The following AGFG1 variants were observed in gnomAD, a reference collection of about 807,000 sequenced individuals.
AGFG1 encodes the protein arf-GAP domain and FG repeat-containing protein 1.
In AGFG1, 10 loss-of-function variants were observed where a neutral mutation model predicts 60.6. The ratio of observed to expected loss-of-function variants is 0.16; its 90% CI spans 0.10 to 0.28. The LOEUF is 0.28. Ranked by LOEUF, AGFG1 falls within the 10% of genes least tolerant of loss-of-function variation. AGFG1 has a pLI of 1.00. For synonymous variants in AGFG1, 247 were observed against 242.9 expected, an observed-to-expected ratio of 1.02 and a Z score of -0.16; for missense variants, 537 against 676.5, an observed-to-expected ratio of 0.79 and a Z score of 2.29.
At chr2:227,484,204 T>G (rs747503348) in intron 1 of AGFG1, among the ~76,000 whole-genome samples, 4 of 152,214 alleles carry the variant, frequency 2.6e-5, no homozygotes, top group Non-Finnish European at 5.9e-5. Flanking sequence ...TTTCTTTTTT[T>G]TTGAGACGGA....
At chr2:227,488,444 C>T (rs1034791864) in intron 1 of AGFG1, among the ~76,000 whole-genome samples, 3 of 152,274 alleles carry the variant, frequency 2.0e-5, no homozygotes, top group Middle Eastern at 3.4e-3. Context: ...AAACATACAT[C>T]CTTTTAATAG....
chr2:227,486,030 A>G (rs1690622606), intron 1 of AGFG1, among the ~76,000 whole-genome samples: 3 of 152,140 alleles, frequency 2.0e-5, no homozygotes, highest in Non-Finnish European at 4.4e-5. Context: ...GCATTCCTTT[A>G]GAGAGAATTT....
At chr2:227,502,251 T>C (rs1191943397) in intron 2 of AGFG1, among the ~76,000 whole-genome samples, 2 of 152,242 alleles carry the variant, frequency 1.3e-5, no homozygotes, top group Non-Finnish European at 2.9e-5. Context: ...GAATAAATTA[T>C]AATTTGTTCA....
intron 3 of AGFG1, among the ~76,000 whole-genome samples, chr2:227,520,710 G>C (rs896827388): frequency 1.3e-5 from 2 of 152,162 alleles, no homozygotes; most frequent in Admixed American, 6.5e-5. Flanking sequence ...GCTACTGAGG[G>C]TTCTTCATTT....
At chr2:227,524,728 T>C in intron 4 of AGFG1, 34 bp from the exon 5 acceptor site, 2 of 1,606,114 alleles carry the variant, frequency 1.2e-6, no homozygotes, top group African/African-American at 2.7e-5. Context: ...CAGATCCGAC[T>C]GGAATATCTT....
At chr2:227,554,382 T>C in intron 12 of AGFG1, 54 bp from the exon 13 acceptor site, 1 of 1,402,114 alleles carries the variant, frequency 7.1e-7, no homozygotes, top group Non-Finnish European at 9.9e-7. Context: ...TTTTTATATT[T>C]TGTACATGCA....
At chr2:227,533,006 A>G (rs550759391) in intron 6 of AGFG1, among the ~76,000 whole-genome samples, 28 of 152,306 alleles carry the variant, frequency 1.8e-4, no homozygotes, top group African/African-American at 6.5e-4. Context: ...ACATTAAACT[A>G]TTATGTGGAA....
chr2:227,473,275 G>A (rs773280773), intron 1 of AGFG1, among the ~76,000 whole-genome samples: 1 of 152,190 alleles, frequency 6.6e-6, no homozygotes. Flanking sequence ...GGAGGCAGAG[G>A]AGCAGATTTG....
chr2:227,482,540 T>G (rs1690500300), intron 1 of AGFG1, among the ~76,000 whole-genome samples: 1 of 152,226 alleles, frequency 6.6e-6, no homozygotes, highest in Non-Finnish European at 1.5e-5. Flanking sequence ...ATAACTAGGA[T>G]GGGCTAGATC....
intron 10 of AGFG1, chr2:227,550,080 C>T: frequency 4.5e-6 from 2 of 446,450 alleles, no homozygotes; most frequent in Non-Finnish European, 9.2e-6. Flanking sequence ...GCAATGCATT[C>T]TCAAGTGTTT....
At chr2:227,484,651 T>C (rs999696831) in intron 1 of AGFG1, among the ~76,000 whole-genome samples, 2 of 151,356 alleles carry the variant, frequency 1.3e-5, no homozygotes, top group African/African-American at 4.9e-5. Context: ...ATATACAGTA[T>C]AAGCTTCTTT....
At chr2:227,537,882 G>A (rs1692360441) in intron 10 of AGFG1, among the ~76,000 whole-genome samples, 1 of 152,092 alleles carries the variant, frequency 6.6e-6, no homozygotes, top group South Asian at 2.1e-4. Context: ...CTAGTTTTTA[G>A]TAAATCTCTT....
chr2:227,519,913 G>T, intron 2 of AGFG1, 35 bp from the exon 3 acceptor site: 1 of 1,298,304 alleles, frequency 7.7e-7, no homozygotes, highest in South Asian at 1.3e-5. Flanking sequence ...TGAAGATGTT[G>T]AATTTAACAT....
chr2:227,518,614 C>G (rs1691728600), intron 2 of AGFG1, among the ~76,000 whole-genome samples: 1 of 150,376 alleles, frequency 6.6e-6, no homozygotes, highest in Non-Finnish European at 1.5e-5. Context: ...ACCTCCCCTT[C>G]CTGGGTTCAA....
chr2:227,534,735 C>G, intron 7 of AGFG1, 110 bp from the exon 8 acceptor site: 1 of 1,158,296 alleles, frequency 8.6e-7, no homozygotes, highest in South Asian at 1.5e-5. Context: ...TGGAATCCTG[C>G]TTAACTCTAA....
chr2:227,552,398 T>G (rs1692846665), intron 11 of AGFG1, among the ~76,000 whole-genome samples: 1 of 152,198 alleles, frequency 6.6e-6, no homozygotes, highest in South Asian at 2.1e-4. Context: ...TATTTCGTCT[T>G]ACATGTTCTA....
In AGFG1 at chr2:227,558,802, A is replaced by C. The variant is rs1412622911; in HGVS notation, c.*4307A>C. The C allele has an allele frequency of 6.6e-6, 1 of 152,136 alleles. No homozygotes were observed. The highest frequency in any genetic ancestry group is 6.5e-5 in the Admixed American group (1 of 15,276). The allele number at this position is 152,136 out of a possible 1,614,324, so 9.4% of individuals were successfully genotyped here. On this transcript the variant is annotated 3_prime_UTR_variant, in exon 13 of 13. Coordinates refer to ENST00000310078, the MANE Select transcript of AGFG1 (RefSeq NM_004504.5). ...TGGTATAAATACTGTCTTCATGGTG[A>C]TTTTACCTGCCAATCTGATGTCATT...
chr2:227,556,229 T>C lies in AGFG1; in HGVS notation c.*1734T>C, dbSNP rs1434037100. ...TCAGTTTCCTCAAACATTTTATTCA[T>C]GTTGAATGCCTTTTTGCAATGATGA... On this transcript the variant is annotated 3_prime_UTR_variant, in exon 13 of 13. Coordinates refer to ENST00000310078, the MANE Select transcript of AGFG1 (RefSeq NM_004504.5). 6.6e-6 allele frequency: 1 copy of C among 152,260 alleles called. No homozygotes were observed. Among genetic ancestry groups the C allele is most frequent in the Non-Finnish European group, 1.5e-5 (1 of 68,042 alleles). 9.4% of individuals were successfully genotyped at this position (152,260 alleles called of 1,614,324 possible). A position where few individuals can be genotyped will look rare whatever the true frequency, so the allele number is the denominator to read the frequency against.
At chr2:227,537,081 C>T in intron 10 of AGFG1, 88 bp downstream of exon 10, 2 of 1,142,840 alleles carry the variant, frequency 1.8e-6, no homozygotes, top group Non-Finnish European at 2.6e-6. Context: ...AAAATGGGGC[C>T]TCTTTCTTAG....
Sources: allele counts gnomAD v4.1 joint callset (sites outside exome capture counted in the v4.1 genomes callset), GRCh38; gene constraint gnomAD v4.1.1; transcripts MANE v1.5; gene names NCBI Gene and HGNC (gene_info 2026-07-23, HGNC 2026-07-21).